ZNF723: variants seen among roughly 807,000 people sequenced by gnomAD.
ZNF723 encodes the protein zinc finger protein 723, also known as zinc finger protein 723, pseudogene.
Under a neutral mutation model 9.4 loss-of-function variants are expected in ZNF723, and 5 were observed. The ratio of observed to expected loss-of-function variants is 0.53; its 90% CI spans 0.28 to 1.12. The LOEUF (loss-of-function observed/expected upper bound fraction) is 1.12, where lower values mean the gene tolerates loss of function less well. Among genes scored for constraint, ZNF723 ranks in the 50% most tolerant of loss-of-function variants. The pLI is 0.10. For missense variants in ZNF723, 450 were observed against 501.5 expected (o/e 0.90, Z 0.98); for synonymous variants, 158 against 168.8 (o/e 0.94, Z 0.49).
the ZNF723 span, among the ~76,000 whole-genome samples, chr19:22,814,823 T>C: frequency 6.6e-6 from 1 of 152,128 alleles, no homozygotes; most frequent in Admixed American, 6.5e-5. Context: ...GACGTGAGCC[T>C]ATACTTTTGC....
Position 22,858,044 on chromosome 19 carries a change from A to T in ZNF723, c.1153A>T (p.Thr385Ser). The change falls in exon 4 of 4, where the codon ACT becomes TCT. Residue 385 changes from threonine (T) to serine (S), a missense_variant. Transcript: ENST00000600766. ...GKAFKVSVHL[T>S]THKRIHTGEK... ...AGCTTTTAAAGTATCTGTACACCTT[A>T]CTACACATAAGAGAATTCATACTGG... is the stretch of plus-strand genomic sequence containing the variant. 6.6e-7 allele frequency: 1 copy of T among 1,524,156 alleles called. No homozygotes were observed. The highest frequency in any genetic ancestry group is 9.1e-7 in the Non-Finnish European group (1 of 1,099,458). 94.4% of individuals were successfully genotyped at this position (1,524,156 alleles called of 1,614,324 possible).
the ZNF723 span, among the ~76,000 whole-genome samples, chr19:22,822,841 A>G: frequency 6.6e-6 from 1 of 152,146 alleles, no homozygotes; most frequent in Non-Finnish European, 1.5e-5. Flanking sequence ...CAGCCTGGAC[A>G]ACAGAGTGAG....
chr19:22,846,194 G>C (rs1056510860), intron 1 of ZNF723, among the ~76,000 whole-genome samples: 5 of 152,078 alleles, frequency 3.3e-5, no homozygotes, highest in African/African-American at 1.2e-4. Flanking sequence ...TTGAACATGG[G>C]AGGGTGGGGA....
chr19:22,843,621 A>G (rs1967273844), intron 1 of ZNF723, among the ~76,000 whole-genome samples: 1 of 152,202 alleles, frequency 6.6e-6, no homozygotes, highest in Non-Finnish European at 1.5e-5. Flanking sequence ...TAAGCATCAT[A>G]TGGTTGATTC....
At chr19:22,826,786 G>A in the ZNF723 span, among the ~76,000 whole-genome samples, 1 of 152,050 alleles carries the variant, frequency 6.6e-6, no homozygotes, top group African/African-American at 2.4e-5. Flanking sequence ...AAATAAAAAA[G>A]GTATCTCTTT....
intron 3 of ZNF723, among the ~76,000 whole-genome samples, chr19:22,856,836 T>TG (rs543185020): frequency 1.4e-3 from 210 of 152,332 alleles, no homozygotes; most frequent in African/African-American, 4.9e-3. Context: ...TTTGCTATAT[T>TG]GGGGAGCAGA....
chr19:22,813,639 G>A, the ZNF723 span, among the ~76,000 whole-genome samples: 1 of 151,834 alleles, frequency 6.6e-6, no homozygotes, highest in Non-Finnish European at 1.5e-5. Flanking sequence ...TGCTTGGGAG[G>A]CTGAGGCAGG....
chr19:22,838,656 TG>T (rs1465681532), intron 1 of ZNF723, among the ~76,000 whole-genome samples: 1 of 152,106 alleles, frequency 6.6e-6, no homozygotes, highest in Non-Finnish European at 1.5e-5. Context: ...AACATGATCT[TG>T]TTCTTTTTTA....
At chr19:22,827,920 C>T (rs1250019321), upstream of ZNF723, among the ~76,000 whole-genome samples, 2 of 151,850 alleles carry the variant, frequency 1.3e-5, no homozygotes, top group Non-Finnish European at 2.9e-5. Flanking sequence ...ACTAAAAATA[C>T]AAAAATAAAA....
At chr19:22,827,439 T>G (rs12973399), upstream of ZNF723, among the ~76,000 whole-genome samples, 1,166 of 128,094 alleles carry the variant, frequency 9.1e-3, 17 homozygotes, top group African/African-American at 0.031. Context: ...TTTTTTTTTG[T>G]TTTTTTGTTT....
At chr19:22,829,460 AT>A (rs1424217374), upstream of ZNF723, among the ~76,000 whole-genome samples, 1 of 151,866 alleles carries the variant, frequency 6.6e-6, no homozygotes, top group Non-Finnish European at 1.5e-5. Flanking sequence ...TAATTTTTGT[AT>A]TTTTGTAGAG....
chr19:22,844,703 G>A (rs775435838), intron 1 of ZNF723, among the ~76,000 whole-genome samples: 6 of 152,186 alleles, frequency 3.9e-5, no homozygotes, highest in Non-Finnish European at 2.9e-5. Context: ...CTTCATTTGT[G>A]CCAGAAGTAA....
intron 3 of ZNF723, among the ~76,000 whole-genome samples, chr19:22,851,753 T>C (rs1967398799): frequency 1.3e-5 from 2 of 152,190 alleles, no homozygotes; most frequent in Non-Finnish European, 2.9e-5. Flanking sequence ...TGTCTTGTTT[T>C]TGAAGTAAAA....
At chr19:22,837,659 G>C (rs1045319725) in intron 1 of ZNF723, among the ~76,000 whole-genome samples, 4 of 152,090 alleles carry the variant, frequency 2.6e-5, no homozygotes, top group African/African-American at 9.7e-5. Context: ...TTAGAGAAAA[G>C]GAGTTCTGAT....
chr19:22,817,286 ATTG>A, the ZNF723 span, among the ~76,000 whole-genome samples: 1 of 152,096 alleles, frequency 6.6e-6, no homozygotes, highest in African/African-American at 2.4e-5. Context: ...ATTCTCTTCT[ATTG>A]CCTGGGCCCT....
At chr19:22,826,806 A>C in the ZNF723 span, among the ~76,000 whole-genome samples, 1 of 152,232 alleles carries the variant, frequency 6.6e-6, no homozygotes, top group African/African-American at 2.4e-5. Context: ...TATGGGGTAT[A>C]CTTATATGTA....
the ZNF723 span, among the ~76,000 whole-genome samples, chr19:22,816,847 C>A: frequency 1.3e-5 from 2 of 152,234 alleles, no homozygotes; most frequent in Non-Finnish European, 2.9e-5. Context: ...GATCCTCCAG[C>A]CTTTCCTCTG....
chr19:22,842,666 CA>C (rs1734598864), intron 1 of ZNF723, among the ~76,000 whole-genome samples: 1 of 152,136 alleles, frequency 6.6e-6, no homozygotes, highest in African/African-American at 2.4e-5. Context: ...TTTAGGTAGA[CA>C]TATCTTTCAG....
chr19:22,847,093 T>G (rs1397203945), intron 1 of ZNF723, among the ~76,000 whole-genome samples: 9 of 151,692 alleles, frequency 5.9e-5, no homozygotes, highest in African/African-American at 2.2e-4. Flanking sequence ...TTATTATTTT[T>G]GAGACAGGGC....
Sources: gnomAD v4.1 joint callset for allele counts (sites outside exome capture counted in the v4.1 genomes callset) on GRCh38, gnomAD v4.1.1 for gene constraint, MANE v1.5 for transcripts, NCBI Gene and HGNC (gene_info 2026-07-23, HGNC 2026-07-21) for gene names.